The following HECW2 variants were observed in gnomAD, a reference collection of about 807,000 sequenced individuals.
HECW2 encodes the protein HECT, C2 and WW domain containing E3 ubiquitin protein ligase 2.
Under a neutral mutation model 175.2 loss-of-function variants are expected in HECW2, and 61 were observed. The observed-to-expected ratio is 0.35, with a 90% CI of 0.28 to 0.43. The LOEUF (loss-of-function observed/expected upper bound fraction) is 0.43. Among genes scored for constraint, HECW2 ranks in the 20% least tolerant of loss-of-function variants. HECW2 has a pLI of 1.00. For synonymous variants in HECW2, 671 were observed against 731.0 expected, an observed-to-expected ratio of 0.92 and a Z score of 1.32; for missense variants, 1,524 against 2,000.5, an observed-to-expected ratio of 0.76 and a Z score of 4.54.
At chr2:196,284,125 T>C (rs1690293884) in intron 14 of HECW2, among the ~76,000 whole-genome samples, 2 of 152,196 alleles carry the variant, frequency 1.3e-5, no homozygotes, top group African/African-American at 4.8e-5. Flanking sequence ...CATTTCATTA[T>C]GTATTGAATG....
Position 196,325,256 on chromosome 2 carries a change from T to C in HECW2, c.572-107A>G, listed in dbSNP as rs952047072. The C allele has an allele frequency of 2.9e-5, 23 of 783,332 alleles. No individual in the cohort carries two copies. In the Admixed American group the frequency reaches 3.4e-4, roughly 12 times the overall value. 48.5% of individuals were successfully genotyped at this position (783,332 alleles called of 1,614,324 possible). On this transcript the variant is annotated intron_variant, in intron 5 of 28. Coordinates refer to ENST00000644978, the MANE Select transcript of HECW2 (RefSeq NM_001348768.2). ...AAGGGACAGAAGAAGGAAGGATTCATATGTCCTGATTAGAACAAGCAGCTC... is the reference window on the plus strand; with the variant it reads ...AAGGGACAGAAGAAGGAAGGATTCACATGTCCTGATTAGAACAAGCAGCTC...
intron 17 of HECW2, among the ~76,000 whole-genome samples, chr2:196,261,147 C>T (rs1183568348): frequency 3.9e-5 from 6 of 152,042 alleles, no homozygotes; most frequent in Non-Finnish European, 8.8e-5. Flanking sequence ...ACGCACACTT[C>T]GCTTAGCAAT....
In HECW2 at chr2:196,481,759, C is replaced by T. The variant is rs544918946; in HGVS notation, c.-35-48301G>A. Among the ~76,000 whole-genome samples, 5 of 145,234 alleles carry T rather than the reference C, an allele frequency of 3.4e-5. No homozygotes were observed. In the South Asian group the frequency reaches 8.6e-4, roughly 25 times the overall value. On this transcript the variant is annotated intron_variant, in intron 1 of 28. Coordinates refer to ENST00000644978, the MANE Select transcript of HECW2 (RefSeq NM_001348768.2). ...CACTACATTCTCTCCTGTAGCTAAG[C>T]TATATGGAAGACAAACCATGGTCAT...
At position 196,432,751 on chromosome 2, in the gene HECW2, C is replaced by T. The variant is rs527603533; in HGVS notation, c.292+381G>A. Among the ~76,000 whole-genome samples the T allele has an allele frequency of 1.1e-4, 17 of 152,262 alleles. 1 individual carries two copies. The South Asian group carries it at 2.1e-3, about 19-fold the overall frequency. ...TTAAAATATGTCATCTAAATCTACA[C>T]GTCTCTTTCATCAGTTTAAAAATGT... On this transcript the variant is annotated intron_variant, in intron 2 of 28. Transcript: ENST00000644978.
chr2:196,300,891 T>G (rs755625060), intron 13 of HECW2, among the ~76,000 whole-genome samples: 8 of 152,216 alleles, frequency 5.3e-5, no homozygotes, highest in Non-Finnish European at 1.2e-4. Flanking sequence ...TCTTTTAAGT[T>G]CAGGGGTATG....
chr2:196,379,089 A>AC (rs1279351281), intron 2 of HECW2, among the ~76,000 whole-genome samples: 2 of 152,148 alleles, frequency 1.3e-5, no homozygotes, highest in African/African-American at 4.8e-5. Context: ...CAAAAAAAAA[A>AC]ACAAATCCTG....
intron 1 of HECW2, among the ~76,000 whole-genome samples, chr2:196,499,515 A>G (rs116272842): frequency 0.012 from 1,854 of 152,278 alleles, 44 homozygotes; most frequent in African/African-American, 0.043. Context: ...CCCTGTAAAG[A>G]CTTCAGAAGA....
At chr2:196,408,063 T>C (rs1559093273) in intron 2 of HECW2, among the ~76,000 whole-genome samples, 1 of 152,242 alleles carries the variant, frequency 6.6e-6, no homozygotes, top group Non-Finnish European at 1.5e-5. Flanking sequence ...ACTGACAATG[T>C]ATGTGCCACA....
At chr2:196,562,707 G>A (rs1690046477) in intron 1 of HECW2, among the ~76,000 whole-genome samples, 1 of 152,078 alleles carries the variant, frequency 6.6e-6, no homozygotes, top group South Asian at 2.1e-4. Flanking sequence ...AGGTTCCCAG[G>A]AGGCAGCACT....
chr2:196,406,225 T>C (rs911980946), intron 2 of HECW2, among the ~76,000 whole-genome samples: 1 of 152,146 alleles, frequency 6.6e-6, no homozygotes, highest in African/African-American at 2.4e-5. Flanking sequence ...GCAAGTCAAA[T>C]TTCACAGGGT....
intron 2 of HECW2, among the ~76,000 whole-genome samples, chr2:196,432,439 A>G (rs974411829): frequency 6.6e-6 from 1 of 152,144 alleles, no homozygotes; most frequent in Non-Finnish European, 1.5e-5. Context: ...GGTAGGTTAG[A>G]TTTTTGCTTT....
intron 2 of HECW2, among the ~76,000 whole-genome samples, chr2:196,426,936 T>C (rs1695564851): frequency 6.6e-6 from 1 of 152,218 alleles, no homozygotes; most frequent in African/African-American, 2.4e-5. Flanking sequence ...TGTCAAAATA[T>C]ATTACCATGA....
chr2:196,553,556 A>C (rs1689675780), intron 1 of HECW2, among the ~76,000 whole-genome samples: 1 of 152,232 alleles, frequency 6.6e-6, no homozygotes, highest in Admixed American at 6.5e-5. Context: ...CTTCAACAAA[A>C]TTATACTTCC....
chr2:196,392,172 G>A (rs563375174), intron 2 of HECW2, among the ~76,000 whole-genome samples: 3 of 152,214 alleles, frequency 2.0e-5, no homozygotes, highest in South Asian at 2.1e-4. Context: ...CCCTTTATCT[G>A]TAAAATAAAT....
chr2:196,387,520 G>C (rs1176010073), intron 2 of HECW2, among the ~76,000 whole-genome samples: 1 of 152,176 alleles, frequency 6.6e-6, no homozygotes, highest in Admixed American at 6.6e-5. Context: ...CCAGCCTCCA[G>C]AACGGAGAAA....
chr2:196,552,788 G>T (rs1477201892), intron 1 of HECW2, among the ~76,000 whole-genome samples: 1 of 152,166 alleles, frequency 6.6e-6, no homozygotes, highest in Non-Finnish European at 1.5e-5. Flanking sequence ...AAAGGGTAGA[G>T]GCCAGAATGG....
chr2:196,252,524 T>C (rs1688898186), intron 19 of HECW2, among the ~76,000 whole-genome samples: 1 of 152,076 alleles, frequency 6.6e-6, no homozygotes, highest in African/African-American at 2.4e-5. Flanking sequence ...ATCTGATTGT[T>C]TAAAGGTGTG....
At chr2:196,228,618 C>A (rs1315776946) in intron 21 of HECW2, among the ~76,000 whole-genome samples, 3 of 152,128 alleles carry the variant, frequency 2.0e-5, no homozygotes, top group Non-Finnish European at 4.4e-5. Context: ...AAAGGGAGCA[C>A]AACGAGAAAG....
intron 21 of HECW2, among the ~76,000 whole-genome samples, chr2:196,235,115 T>C (rs1688194430): frequency 6.6e-6 from 1 of 151,192 alleles, no homozygotes. Context: ...TTTTTTGTTT[T>C]TAGACCCAGT....
Sources: allele counts gnomAD v4.1 joint callset (sites outside exome capture counted in the v4.1 genomes callset), GRCh38; gene constraint gnomAD v4.1.1; transcripts MANE v1.5; gene names NCBI Gene and HGNC (gene_info 2026-07-23, HGNC 2026-07-21).